The following ANK3 variants were observed in gnomAD, a reference collection of about 807,000 sequenced individuals.
The protein encoded by ANK3 is ankyrin 3.
ANK3 carries 57 observed loss-of-function variants against 370.9 expected under a neutral mutation model. The observed-to-expected ratio is 0.15, with a 90% CI of 0.12 to 0.19. The LOEUF (loss-of-function observed/expected upper bound fraction) is 0.19, where lower values mean the gene tolerates loss of function less well. Among genes scored for constraint, ANK3 ranks in the 10% least tolerant of loss-of-function variants. ANK3 has a pLI of 1.00. For synonymous variants in ANK3, 1,929 were observed against 1,946.3 expected, an observed-to-expected ratio of 0.99 and a Z score of 0.23; for missense variants, 4,439 against 5,302.1, an observed-to-expected ratio of 0.84 and a Z score of 5.06.
chr10:60,326,260 G>A (rs567887787), intron 1 of ANK3, among the ~76,000 whole-genome samples: 2 of 152,080 alleles, frequency 1.3e-5, no homozygotes, highest in African/African-American at 4.8e-5. Context: ...ACACCTGCAC[G>A]TGTATTTCTG....
intron 2 of ANK3, among the ~76,000 whole-genome samples, chr10:60,487,122 G>GA (rs2075369700): frequency 6.6e-6 from 1 of 152,100 alleles, no homozygotes; most frequent in Non-Finnish European, 1.5e-5. Context: ...CTTGAGAGGG[G>GA]AAAATAACTA....
intron 32 of ANK3, chr10:60,083,894 C>A: frequency 1.8e-5 from 4 of 226,596 alleles, no homozygotes; most frequent in East Asian, 1.0e-4. Flanking sequence ...TGCCTGACAT[C>A]AATCACTTAT....
chr10:60,071,324 G>T lies in ANK3; in HGVS notation c.9557C>A (p.Pro3186His), dbSNP rs769841771. The T allele has an allele frequency of 1.2e-6, 2 of 1,614,054 alleles. No homozygotes were observed. The highest frequency in any genetic ancestry group is 2.2e-5 in the South Asian group (2 of 91,084). ...EVSYEFTSKT[P>H]DSLIAYIPGK... ...TGGTATATAAGCTATGAGCGAGTCA[G>T]GTGTCTTAGATGTAAATTCATAACT... The change falls in exon 37 of 44, where the codon CCT becomes CAT. Residue 3186 changes from proline to histidine, a missense_variant. Pro to His is a moderately conservative substitution (Grantham distance 77, BLOSUM62 -2). Coordinates refer to ENST00000280772, the MANE Select transcript of ANK3 (RefSeq NM_020987.5).
intron 7 of ANK3, among the ~76,000 whole-genome samples, chr10:60,242,276 T>C (rs908539616): frequency 3.3e-5 from 5 of 152,194 alleles, no homozygotes; most frequent in Non-Finnish European, 7.3e-5. Context: ...ACTTATGATT[T>C]GTAAAAATTC....
chr10:60,078,642 C>T (rs1428442754), intron 36 of ANK3, among the ~76,000 whole-genome samples: 1 of 152,144 alleles, frequency 6.6e-6, no homozygotes, highest in East Asian at 1.9e-4. Flanking sequence ...TTTTGGGATC[C>T]CTTTATAAGA....
chr10:60,184,597 G>T (rs1298638536), intron 17 of ANK3, among the ~76,000 whole-genome samples: 2 of 152,156 alleles, frequency 1.3e-5, no homozygotes, highest in African/African-American at 4.8e-5. Context: ...GAAATTTCCA[G>T]GTTTCCCTGG....
At chr10:60,034,857 C>T (rs2074553544) in intron 43 of ANK3, among the ~76,000 whole-genome samples, 3 of 152,124 alleles carry the variant, frequency 2.0e-5, no homozygotes, top group African/African-American at 7.2e-5. Context: ...TTTTTCTAAA[C>T]ATTAATTTTA....
intron 2 of ANK3, among the ~76,000 whole-genome samples, chr10:60,481,197 G>A (rs1302298535): frequency 1.3e-5 from 2 of 152,154 alleles, no homozygotes; most frequent in Non-Finnish European, 2.9e-5. Context: ...TCAAACAGTA[G>A]CAAGGAGTAC....
intron 23 of ANK3, among the ~76,000 whole-genome samples, chr10:60,144,643 C>T (rs2094723754): frequency 6.6e-6 from 1 of 152,190 alleles, no homozygotes; most frequent in Non-Finnish European, 1.5e-5. Context: ...AGATTTCCTA[C>T]ACCATAATCA....
intron 2 of ANK3, among the ~76,000 whole-genome samples, chr10:60,488,720 A>C (rs1322645227): frequency 6.6e-6 from 1 of 152,162 alleles, no homozygotes; most frequent in Admixed American, 6.6e-5. Context: ...AATGCTTTCA[A>C]GTTTCATCCA....
chr10:60,587,316 A>G (rs1052098828), intron 2 of ANK3, among the ~76,000 whole-genome samples: 2 of 152,210 alleles, frequency 1.3e-5, no homozygotes, highest in African/African-American at 4.8e-5. Flanking sequence ...AAGTCTAACC[A>G]TATCATTAGG....
chr10:60,630,284 A>T (rs1312324478), intron 1 of ANK3, among the ~76,000 whole-genome samples: 3 of 152,186 alleles, frequency 2.0e-5, no homozygotes, highest in African/African-American at 7.2e-5. Flanking sequence ...GTTTCTTTAC[A>T]TTTTTATTTT....
chr10:60,263,751 C>A, intron 6 of ANK3, 84 bp downstream of exon 6: 3 of 1,508,614 alleles, frequency 2.0e-6, no homozygotes, highest in Middle Eastern at 2.4e-4. Context: ...CATAAGCTTG[C>A]GAAGAGGGAG....
At chr10:60,686,135 G>C (rs149936637) in intron 1 of ANK3, among the ~76,000 whole-genome samples, 114 of 152,126 alleles carry the variant, frequency 7.5e-4, no homozygotes, top group African/African-American at 2.7e-3. Flanking sequence ...GTGTATGGAG[G>C]TCACTATTAG....
intron 1 of ANK3, among the ~76,000 whole-genome samples, chr10:60,314,439 C>T (rs765318588): frequency 6.6e-6 from 1 of 152,118 alleles, no homozygotes; most frequent in African/African-American, 2.4e-5. Context: ...CAAATTAACC[C>T]TTAAAATAGC....
chr10:60,301,754 A>G (rs965921903), intron 1 of ANK3, among the ~76,000 whole-genome samples: 2 of 152,116 alleles, frequency 1.3e-5, no homozygotes, highest in African/African-American at 4.8e-5. Context: ...TTCAACTAAT[A>G]CAATTCAGCT....
chr10:60,419,763 C>T (rs992263679), intron 2 of ANK3, among the ~76,000 whole-genome samples: 2 of 152,134 alleles, frequency 1.3e-5, no homozygotes, highest in Non-Finnish European at 2.9e-5. Flanking sequence ...TGAATCCTAA[C>T]TTCAGGTGAG....
intron 2 of ANK3, among the ~76,000 whole-genome samples, chr10:60,514,531 C>T (rs1056256776): frequency 1.3e-5 from 2 of 151,980 alleles, no homozygotes; most frequent in Non-Finnish European, 2.9e-5. Context: ...GCAGTTGGAT[C>T]CCCCCATATA....
chr10:60,675,440 A>T (rs907146251), intron 1 of ANK3, among the ~76,000 whole-genome samples: 4 of 152,180 alleles, frequency 2.6e-5, no homozygotes, highest in Non-Finnish European at 5.9e-5. Flanking sequence ...ATCTGTGACC[A>T]TTCCAGTCCA....
Sources: gnomAD v4.1 joint callset for allele counts (sites outside exome capture counted in the v4.1 genomes callset) on GRCh38, gnomAD v4.1.1 for gene constraint, MANE v1.5 for transcripts, NCBI Gene and HGNC (gene_info 2026-07-23, HGNC 2026-07-21) for gene names.